The following SH3RF3 variants were observed in gnomAD, a reference collection of about 807,000 sequenced individuals.
The protein encoded by SH3RF3 is SH3 domain containing ring finger 3, also known as E3 ubiquitin-protein ligase SH3RF3.
A neutral mutation model predicts 66.3 loss-of-function variants in SH3RF3; 29 were observed. The observed-to-expected ratio is 0.44, with a 90% CI of 0.33 to 0.60. SH3RF3 has a LOEUF of 0.60. SH3RF3 is among the 20% of genes least tolerant of loss of function. The probability of loss-of-function intolerance (pLI) is 0.04; values close to 1 mark genes in which losing one functional copy is unlikely to be tolerated. For synonymous variants in SH3RF3, 583 were observed against 532.0 expected (o/e 1.10, Z -1.32); for missense variants, 1,194 against 1,190.9 (o/e 1.00, Z -0.04).
At chr2:109,360,382 C>G (rs1214036240) in intron 2 of SH3RF3, among the ~76,000 whole-genome samples, 2 of 152,168 alleles carry the variant, frequency 1.3e-5, no homozygotes, top group Non-Finnish European at 2.9e-5. Flanking sequence ...GGGTGATACC[C>G]TTTGCTTTTT....
chr2:109,391,810 A>T (rs559286306), intron 3 of SH3RF3, among the ~76,000 whole-genome samples: 2 of 152,124 alleles, frequency 1.3e-5, no homozygotes, highest in East Asian at 1.9e-4. Flanking sequence ...CCCACTTTTC[A>T]TGTCATTTTC....
intron 2 of SH3RF3, among the ~76,000 whole-genome samples, chr2:109,355,863 T>C (rs1356242429): frequency 6.6e-6 from 1 of 152,242 alleles, no homozygotes; most frequent in Non-Finnish European, 1.5e-5. Context: ...TATTTCCTCC[T>C]TCCTTGTCCT....
At chr2:109,350,700 T>C (rs1167434487) in intron 2 of SH3RF3, among the ~76,000 whole-genome samples, 1 of 152,220 alleles carries the variant, frequency 6.6e-6, no homozygotes, top group African/African-American at 2.4e-5. Flanking sequence ...CCCCCATGCC[T>C]GGCATGCAGC....
intron 1 of SH3RF3, among the ~76,000 whole-genome samples, chr2:109,132,600 G>C (rs1035585653): frequency 6.6e-6 from 1 of 152,156 alleles, no homozygotes; most frequent in Non-Finnish European, 1.5e-5. Flanking sequence ...TCAGGAGTTG[G>C]TCTTTTTATT....
intron 3 of SH3RF3, among the ~76,000 whole-genome samples, chr2:109,396,040 G>C (rs1573217980): frequency 6.6e-6 from 1 of 152,214 alleles, no homozygotes; most frequent in Non-Finnish European, 1.5e-5. Context: ...CAGGCGCGTG[G>C]CAGGTGTGTT....
intron 8 of SH3RF3, among the ~76,000 whole-genome samples, chr2:109,460,735 G>A (rs185305570): frequency 2.6e-5 from 4 of 152,298 alleles, no homozygotes; most frequent in South Asian, 4.1e-4. Flanking sequence ...TTCCAATTAT[G>A]TTTCTTGCAA....
At chr2:109,489,578 C>G (rs1007281402) in intron 8 of SH3RF3, among the ~76,000 whole-genome samples, 1 of 152,198 alleles carries the variant, frequency 6.6e-6, no homozygotes, top group East Asian at 1.9e-4. Flanking sequence ...GCCAGGGTCC[C>G]GTGACAGAGA....
intron 7 of SH3RF3, among the ~76,000 whole-genome samples, chr2:109,445,707 G>A (rs764536307): frequency 5.9e-5 from 9 of 152,068 alleles, no homozygotes; most frequent in Admixed American, 4.6e-4. Context: ...TGACCTGGTG[G>A]GACCCAGAGT....
chr2:109,443,189 T>A (rs1044774503), intron 7 of SH3RF3, among the ~76,000 whole-genome samples: 1 of 152,264 alleles, frequency 6.6e-6, no homozygotes, highest in African/African-American at 2.4e-5. Flanking sequence ...TTCTAGTAGA[T>A]TCTATTTTAT....
chr2:109,445,843 T>C (rs184339821), intron 7 of SH3RF3, among the ~76,000 whole-genome samples: 135 of 152,230 alleles, frequency 8.9e-4, no homozygotes, highest in African/African-American at 3.2e-3. Context: ...ACAAAGCTGG[T>C]GATGCAATAG....
chr2:109,426,746 C>T (rs540947154), intron 5 of SH3RF3, among the ~76,000 whole-genome samples: 1 of 152,166 alleles, frequency 6.6e-6, no homozygotes, highest in Non-Finnish European at 1.5e-5. Flanking sequence ...TGTCAAACAG[C>T]ATCAAATGCT....
chr2:109,252,175 G>A (rs904456216), intron 1 of SH3RF3, among the ~76,000 whole-genome samples: 1 of 151,508 alleles, frequency 6.6e-6, no homozygotes, highest in Non-Finnish European at 1.5e-5. Context: ...TTAAGCCTGG[G>A]AGGCAGAGGT....
At chr2:109,243,400 G>A (rs1286136055) in intron 1 of SH3RF3, among the ~76,000 whole-genome samples, 1 of 152,250 alleles carries the variant, frequency 6.6e-6, no homozygotes, top group Non-Finnish European at 1.5e-5. Flanking sequence ...TGGAGTGCCT[G>A]TCCTTTCTTC....
chr2:109,320,779 C>T (rs374573337), intron 1 of SH3RF3, among the ~76,000 whole-genome samples: 22 of 152,168 alleles, frequency 1.4e-4, no homozygotes, highest in African/African-American at 4.6e-4. Context: ...AAATAAAACT[C>T]GAGGCACATT....
chr2:109,316,077 C>A (rs1681873254), intron 1 of SH3RF3, among the ~76,000 whole-genome samples: 1 of 152,146 alleles, frequency 6.6e-6, no homozygotes, highest in South Asian at 2.1e-4. Flanking sequence ...TAGAAAAGTG[C>A]ATTTCCAGTA....
intron 1 of SH3RF3, among the ~76,000 whole-genome samples, chr2:109,346,059 C>G (rs1250063305): frequency 6.6e-6 from 1 of 152,220 alleles, no homozygotes; most frequent in Non-Finnish European, 1.5e-5. Flanking sequence ...CCCATTTTTT[C>G]TGATCACAGT....
intron 1 of SH3RF3, among the ~76,000 whole-genome samples, chr2:109,135,847 TC>T (rs1676802660): frequency 1.3e-5 from 2 of 152,294 alleles, no homozygotes; most frequent in African/African-American, 4.8e-5. Flanking sequence ...GAGGCAGTGT[TC>T]ATGATTCTTA....
At chr2:109,266,165 GGT>G (rs1322840824) in intron 1 of SH3RF3, among the ~76,000 whole-genome samples, 1 of 148,850 alleles carries the variant, frequency 6.7e-6, no homozygotes, top group Non-Finnish European at 1.5e-5. Context: ...TGTTGTGTAT[GGT>G]GTGTGTTGTG....
At chr2:109,136,725 C>T (rs372568875) in intron 1 of SH3RF3, among the ~76,000 whole-genome samples, 23 of 152,176 alleles carry the variant, frequency 1.5e-4, no homozygotes, top group Middle Eastern at 3.2e-3. Context: ...TGCATTTCCA[C>T]TTAATGTAAT....
Sources: gnomAD v4.1 joint callset for allele counts (sites outside exome capture counted in the v4.1 genomes callset) on GRCh38, gnomAD v4.1.1 for gene constraint, MANE v1.5 for transcripts, NCBI Gene and HGNC (gene_info 2026-07-23, HGNC 2026-07-21) for gene names.